Variants in ZFHX3 observed in about 807,000 individuals in gnomAD.
ZFHX3 encodes zinc finger homeobox 3.
Under a neutral mutation model 279.1 loss-of-function variants are expected in ZFHX3, and 42 were observed. The observed-to-expected ratio is 0.15, with a 90% CI of 0.12 to 0.19. The LOEUF (loss-of-function observed/expected upper bound fraction) is 0.19. ZFHX3 is among the 10% of genes least tolerant of loss of function. The probability of loss-of-function intolerance (pLI) is 1.00; values close to 1 mark genes in which losing one functional copy is unlikely to be tolerated. For missense variants in ZFHX3, 4,981 were observed against 4,754.0 expected, an observed-to-expected ratio of 1.05 and a Z score of -1.40; for synonymous variants, 2,293 against 1,957.8, an observed-to-expected ratio of 1.17 and a Z score of -4.52.
chr16:72,902,280 A>G (rs1327861731), intron 3 of ZFHX3, among the ~76,000 whole-genome samples: 6 of 152,182 alleles, frequency 3.9e-5, no homozygotes, highest in African/African-American at 1.4e-4. Flanking sequence ...GAGGTTCTCA[A>G]TCAGGTCTGA....
In ZFHX3 at chr16:73,405,738, CA is replaced by C. The variant is rs147338684; in HGVS notation, c.-1291+50264del. Among the ~76,000 whole-genome samples the C allele has an allele frequency of 1.7e-3, 256 of 152,024 alleles. 3 individuals carry two copies. In the East Asian group the frequency reaches 0.029, roughly 17 times the overall value. On this transcript the variant is annotated intron_variant, in intron 3 of 17. Coordinates refer to the ZFHX3 transcript ENST00000641206. ...TAACCATAAAAAAGACATTAAATAC[CA>C]GGCTGGAATGCCATGGGGATGCATA...
intron 8 of ZFHX3, among the ~76,000 whole-genome samples, chr16:73,081,984 G>A (rs1289661860): frequency 6.6e-6 from 1 of 151,604 alleles, no homozygotes; most frequent in Non-Finnish European, 1.5e-5. Context: ...CTACAGGTGT[G>A]TACCACCACA....
chr16:73,780,328 A>G (rs2142302660), intron 1 of ZFHX3, among the ~76,000 whole-genome samples: 1 of 149,640 alleles, frequency 6.7e-6, no homozygotes, highest in East Asian at 2.0e-4. Flanking sequence ...TTGTATTTTT[A>G]GTAGAGATGG....
chr16:73,074,669 A>G (rs1865442701), intron 8 of ZFHX3, among the ~76,000 whole-genome samples: 1 of 151,066 alleles, frequency 6.6e-6, no homozygotes, highest in African/African-American at 2.4e-5. Flanking sequence ...AGTTCTGGGC[A>G]TACAGACATG....
At chr16:73,429,117 C>A (rs1366378054) in intron 3 of ZFHX3, among the ~76,000 whole-genome samples, 1 of 152,134 alleles carries the variant, frequency 6.6e-6, no homozygotes, top group Non-Finnish European at 1.5e-5. Context: ...CTTCCTTTTT[C>A]ATCTTTTGTC....
intron 2 of ZFHX3, among the ~76,000 whole-genome samples, chr16:73,511,543 T>C (rs1027881626): frequency 1.8e-4 from 28 of 152,338 alleles, no homozygotes; most frequent in African/African-American, 6.3e-4. Flanking sequence ...ATTACAAATA[T>C]GGAGTTGAAT....
chr16:73,357,821 C>T (rs16971788), intron 3 of ZFHX3, among the ~76,000 whole-genome samples: 7,602 of 152,202 alleles, frequency 0.05, 611 homozygotes, highest in African/African-American at 0.17. Flanking sequence ...TCTGGAATTG[C>T]CCATTTCCCT....
chr16:73,881,797 T>C (rs1292155259), intron 1 of ZFHX3, among the ~76,000 whole-genome samples: 3 of 152,048 alleles, frequency 2.0e-5, no homozygotes, highest in Non-Finnish European at 4.4e-5. Context: ...GTTAAGATTG[T>C]CCAAGAGTGT....
Position 73,523,387 on chromosome 16 carries a change from C to T in ZFHX3, c.-1546-67129G>A, listed in dbSNP as rs2054810625. On this transcript the variant is annotated intron_variant, in intron 2 of 17. Transcript: ENST00000641206. The stretch of plus-strand genomic sequence containing the variant: ...GTGACCTCCCTGGGTTTTATATGCT[C>T]TGCTGACAGCATGTGATGTGCCTGC... Among the ~76,000 whole-genome samples the T allele has an allele frequency of 2.0e-5, 3 of 152,146 alleles. No individual in the cohort carries two copies. In the South Asian group the frequency reaches 6.2e-4, roughly 31 times the overall value.
At chr16:73,603,081 A>C (rs904215740) in intron 2 of ZFHX3, among the ~76,000 whole-genome samples, 6 of 151,958 alleles carry the variant, frequency 3.9e-5, no homozygotes, top group African/African-American at 9.7e-5. Flanking sequence ...GTCAGGAGAT[A>C]GAGACCATCC....
chr16:73,744,870 T>C (rs1389968768), intron 1 of ZFHX3, among the ~76,000 whole-genome samples: 1 of 152,196 alleles, frequency 6.6e-6, no homozygotes, highest in African/African-American at 2.4e-5. Context: ...AACCCAATTT[T>C]TCAAGAACTG....
intron 2 of ZFHX3, among the ~76,000 whole-genome samples, chr16:73,542,380 A>T (rs953230381): frequency 1.3e-4 from 20 of 151,718 alleles, no homozygotes; most frequent in African/African-American, 4.1e-4. Flanking sequence ...TTTTTTTCCC[A>T]ACGTCCTTAT....
At chr16:72,808,954 G>A (rs140649877) in intron 7 of ZFHX3, among the ~76,000 whole-genome samples, 21 of 152,354 alleles carry the variant, frequency 1.4e-4, no homozygotes, top group African/African-American at 4.8e-4. Context: ...AAGAATCACT[G>A]CTTCCAAAGG....
intron 1 of ZFHX3, among the ~76,000 whole-genome samples, chr16:73,685,536 C>CAAT (rs2053073772): frequency 6.6e-6 from 1 of 152,168 alleles, no homozygotes; most frequent in African/African-American, 2.4e-5. Context: ...TATTGTAGCC[C>CAAT]AATGAGACCC....
intron 1 of ZFHX3, among the ~76,000 whole-genome samples, chr16:73,017,141 T>C (rs1336461307): frequency 6.6e-6 from 1 of 150,834 alleles, no homozygotes; most frequent in Non-Finnish European, 1.5e-5. Flanking sequence ...GGCAGGAAGA[T>C]CACCTCCCTC....
chr16:72,827,023 T>C (rs1567535751), intron 5 of ZFHX3, among the ~76,000 whole-genome samples: 1 of 152,158 alleles, frequency 6.6e-6, no homozygotes, highest in Non-Finnish European at 1.5e-5. Flanking sequence ...GAGAGGCACA[T>C]ATAGAGTGGC....
intron 4 of ZFHX3, among the ~76,000 whole-genome samples, chr16:73,278,394 T>C (rs1049698254): frequency 5.3e-5 from 8 of 152,178 alleles, no homozygotes; most frequent in African/African-American, 1.9e-4. Context: ...GCTTGTAATG[T>C]GTCTGGAGTT....
intron 1 of ZFHX3, among the ~76,000 whole-genome samples, chr16:73,835,922 T>C (rs1378141132): frequency 1.3e-5 from 2 of 152,020 alleles, no homozygotes; most frequent in Non-Finnish European, 2.9e-5. Flanking sequence ...TTTTTCCACA[T>C]CCTGGCTAGG....
intron 1 of ZFHX3, among the ~76,000 whole-genome samples, chr16:72,966,722 A>T (rs1961861565): frequency 6.6e-6 from 1 of 152,216 alleles, no homozygotes; most frequent in African/African-American, 2.4e-5. Flanking sequence ...ATCCTCGGCT[A>T]TATGAAACCC....
Sources: gnomAD v4.1 joint callset for allele counts (sites outside exome capture counted in the v4.1 genomes callset) on GRCh38, gnomAD v4.1.1 for gene constraint, MANE v1.5 for transcripts, NCBI Gene and HGNC (gene_info 2026-07-23, HGNC 2026-07-21) for gene names.